The following MSH3 variants were observed in gnomAD, a reference collection of about 807,000 sequenced individuals.
MSH3 encodes the protein DNA mismatch repair protein Msh3.
A neutral mutation model predicts 123.3 loss-of-function variants in MSH3; 106 were observed. That is an observed-to-expected ratio of 0.86 (90% confidence interval 0.73 to 1.01). The LOEUF (loss-of-function observed/expected upper bound fraction) is 1.01, where lower values mean the gene tolerates loss of function less well. MSH3 is among the 50% of genes least tolerant of loss of function. MSH3 has a pLI of 0.00. For synonymous variants in MSH3, 515 were observed against 481.4 expected (o/e 1.07, Z -0.91); for missense variants, 1,459 against 1,347.6 (o/e 1.08, Z -1.29).
intron 2 of MSH3, among the ~76,000 whole-genome samples, chr5:80,662,146 A>T (rs565558275): frequency 6.6e-6 from 1 of 152,370 alleles, no homozygotes; most frequent in South Asian, 2.1e-4. Context: ...ATGTTTAGAT[A>T]CACAGATACT....
At chr5:80,812,417 C>T (rs1279505478) in intron 19 of MSH3, among the ~76,000 whole-genome samples, 8 of 152,172 alleles carry the variant, frequency 5.3e-5, no homozygotes, top group Non-Finnish European at 8.8e-5. Context: ...TAACTACTTA[C>T]TTATGATCCC....
intron 8 of MSH3, among the ~76,000 whole-genome samples, chr5:80,693,612 C>T (rs1349787744): frequency 3.3e-5 from 4 of 120,374 alleles, no homozygotes; most frequent in African/African-American, 1.4e-4. Flanking sequence ...TACATATATA[C>T]ACACACACAT....
intron 21 of MSH3, among the ~76,000 whole-genome samples, chr5:80,861,617 A>C (rs539634635): frequency 2.0e-5 from 3 of 152,116 alleles, no homozygotes; most frequent in Non-Finnish European, 4.4e-5. Context: ...TCCAGTGTTT[A>C]TTGTGAGAAC....
chr5:80,787,550 C>T lies in MSH3; in HGVS notation c.2436-15C>T, dbSNP rs748019667. 3.8e-6 allele frequency: 6 copies of T among 1,576,018 alleles called. No individual in the cohort carries two copies. Among genetic ancestry groups the T allele is most frequent in the Admixed American group, 3.3e-5 (2 of 59,916 alleles). On this transcript the variant is annotated splice_polypyrimidine_tract_variant and intron_variant, in intron 17 of 23. Coordinates refer to ENST00000265081, the MANE Select transcript of MSH3 (RefSeq NM_002439.5). ...CAGTTTGCTCACCTTTTTGTTGTTGCTGCTGCTTCCGTAGGAAATTCAGTG... is the reference window on the plus strand; with the variant it reads ...CAGTTTGCTCACCTTTTTGTTGTTGTTGCTGCTTCCGTAGGAAATTCAGTG...
chr5:80,857,177 C>G (rs1425561103), intron 21 of MSH3, among the ~76,000 whole-genome samples: 1 of 152,086 alleles, frequency 6.6e-6, no homozygotes, highest in Admixed American at 6.6e-5. Context: ...CTTCTTTAGC[C>G]TGTTGATGTG....
intron 20 of MSH3, among the ~76,000 whole-genome samples, chr5:80,844,745 T>C (rs1172098133): frequency 2.0e-5 from 3 of 151,758 alleles, no homozygotes; most frequent in African/African-American, 7.3e-5. Context: ...TTGCTTTCCA[T>C]TTGTTTGGTA....
chr5:80,698,484 T>A (rs529122664), intron 8 of MSH3, among the ~76,000 whole-genome samples: 1 of 152,120 alleles, frequency 6.6e-6, no homozygotes, highest in Non-Finnish European at 1.5e-5. Context: ...TTGAGCATCA[T>A]GCTAGTTTGC....
Position 80,768,014 on chromosome 5 carries a change from A to AAT in MSH3, c.1979_1980dup (p.Ser661IlefsTer14). The AAT allele has an allele frequency of 6.2e-7, 1 of 1,613,690 alleles. No individual in the cohort carries two copies. On this transcript the variant is annotated frameshift_variant, in exon 14 of 24. Transcript: ENST00000265081. LOFTEE classifies it high-confidence loss of function. ...ATTTCAAGCAATAATACCTGCTGTT[A>AAT]ATTCCCACATTCAGTCAGACTTGCT... is the stretch of plus-strand genomic sequence containing the variant.
chr5:80,714,603 A>G lies in MSH3; in HGVS notation c.1341-10850A>G, dbSNP rs559761595. On this transcript the variant is annotated intron_variant, in intron 8 of 23. Transcript: ENST00000265081. ...CAGATTGCAGAACGATGAATTTAAC[A>G]TTCTTGTAAAGCTTCCAGGAAAGCC... is the stretch of plus-strand genomic sequence containing the variant. 2.6e-5 allele frequency among the ~76,000 whole-genome samples: 4 copies of G among 152,336 alleles called. No individual in the cohort carries two copies. In the East Asian group the frequency reaches 7.7e-4, roughly 29 times the overall value.
At chr5:80,668,741 T>A (rs1211367440) in intron 3 of MSH3, among the ~76,000 whole-genome samples, 1 of 152,086 alleles carries the variant, frequency 6.6e-6, no homozygotes, top group Non-Finnish European at 1.5e-5. Context: ...AGCCACAGCT[T>A]GGGTGGCTGT....
intron 19 of MSH3, among the ~76,000 whole-genome samples, chr5:80,793,105 A>G (rs1744637571): frequency 6.6e-6 from 1 of 152,240 alleles, no homozygotes; most frequent in African/African-American, 2.4e-5. Flanking sequence ...ACATTTGTAA[A>G]TACCCAATAT....
intron 13 of MSH3, among the ~76,000 whole-genome samples, chr5:80,766,654 G>A (rs1296214559): frequency 1.3e-5 from 2 of 150,074 alleles, no homozygotes; most frequent in African/African-American, 5.0e-5. Context: ...GTTTTATGCC[G>A]TTTTAAACAA....
intron 2 of MSH3, among the ~76,000 whole-genome samples, chr5:80,661,848 T>A (rs1344174966): frequency 6.6e-6 from 1 of 152,228 alleles, no homozygotes; most frequent in Admixed American, 6.5e-5. Flanking sequence ...TTTGGTCTTT[T>A]TAAGGATTGT....
At chr5:80,855,908 T>C (rs1356172067) in intron 21 of MSH3, 1 of 125,468 alleles carries the variant, frequency 8.0e-6, no homozygotes, top group East Asian at 2.8e-4. Flanking sequence ...TTTTTTGAAA[T>C]GGGTTCACTC....
chr5:80,869,632 A>C (rs895839498), intron 22 of MSH3, among the ~76,000 whole-genome samples: 2 of 151,974 alleles, frequency 1.3e-5, no homozygotes, highest in Non-Finnish European at 2.9e-5. Flanking sequence ...ATATAATGAT[A>C]CACTCAGCAA....
intron 8 of MSH3, among the ~76,000 whole-genome samples, chr5:80,711,768 C>G (rs1750863781): frequency 6.6e-6 from 1 of 151,970 alleles, no homozygotes; most frequent in Admixed American, 6.6e-5. Flanking sequence ...GATTCTCCTG[C>G]CTTAGCCCCC....
At chr5:80,829,941 C>CT (rs1246844748) in intron 20 of MSH3, among the ~76,000 whole-genome samples, 1 of 152,050 alleles carries the variant, frequency 6.6e-6, no homozygotes, top group African/African-American at 2.4e-5. Flanking sequence ...TTGTCCCTGT[C>CT]TTTTTGTGGG....
intron 17 of MSH3, among the ~76,000 whole-genome samples, chr5:80,779,127 G>A (rs1297326908): frequency 1.3e-5 from 2 of 151,728 alleles, no homozygotes; most frequent in Non-Finnish European, 2.9e-5. Flanking sequence ...TGAGTAGCTG[G>A]GATTACAGGC....
intron 20 of MSH3, among the ~76,000 whole-genome samples, chr5:80,848,375 T>C (rs895618415): frequency 2.6e-5 from 4 of 152,264 alleles, no homozygotes; most frequent in Non-Finnish European, 5.9e-5. Context: ...ACTTTTCTTG[T>C]TTTAAGTCTG....
Sources: allele counts gnomAD v4.1 joint callset (sites outside exome capture counted in the v4.1 genomes callset), GRCh38; gene constraint gnomAD v4.1.1; transcripts MANE v1.5; gene names NCBI Gene and HGNC (gene_info 2026-07-23, HGNC 2026-07-21).